MRTFA: variants seen among roughly 807,000 people sequenced by gnomAD.
The protein encoded by MRTFA is myocardin-related transcription factor A.
In MRTFA, 20 loss-of-function variants were observed where a neutral mutation model predicts 83.5. The observed-to-expected ratio is 0.24, with a 90% confidence interval of 0.17 to 0.35. MRTFA has a LOEUF of 0.35. Among genes scored for constraint, MRTFA ranks in the 10% least tolerant of loss-of-function variants. The pLI is 1.00. For synonymous variants in MRTFA, 659 were observed against 541.2 expected, an observed-to-expected ratio of 1.22 and a Z score of -3.02; for missense variants, 1,200 against 1,224.7, an observed-to-expected ratio of 0.98 and a Z score of 0.30.
intron 7 of MRTFA, among the ~76,000 whole-genome samples, chr22:40,425,695 A>G (rs975474008): frequency 6.6e-6 from 1 of 152,234 alleles, no homozygotes; most frequent in African/African-American, 2.4e-5. Flanking sequence ...ACACACGGCT[A>G]GATTTCCCCC....
intron 1 of MRTFA, among the ~76,000 whole-genome samples, chr22:40,627,733 T>C (rs1267273193): frequency 1.3e-5 from 2 of 152,178 alleles, no homozygotes; most frequent in Admixed American, 6.5e-5. Context: ...CTCATGCCTG[T>C]CATCTCAACA....
At chr22:40,552,754 C>T (rs955044564) in intron 2 of MRTFA, among the ~76,000 whole-genome samples, 3 of 152,116 alleles carry the variant, frequency 2.0e-5, no homozygotes, top group Non-Finnish European at 4.4e-5. Context: ...TTTATAGCAA[C>T]GTGAGAACAG....
chr22:40,581,807 A>C (rs2055951199), intron 2 of MRTFA, among the ~76,000 whole-genome samples: 2 of 152,194 alleles, frequency 1.3e-5, no homozygotes, highest in African/African-American at 4.8e-5. Flanking sequence ...GAGTATCTTT[A>C]ATCAAGGCAT....
intron 3 of MRTFA, among the ~76,000 whole-genome samples, chr22:40,514,268 T>TTAAA (rs543495369): frequency 1.3e-5 from 2 of 151,402 alleles, no homozygotes; most frequent in South Asian, 2.1e-4. Flanking sequence ...AAATACATAA[T>TTAAA]TAAATAAATA....
chr22:40,539,356 T>A (rs1206918901), intron 3 of MRTFA, among the ~76,000 whole-genome samples: 3 of 150,966 alleles, frequency 2.0e-5, no homozygotes, highest in Non-Finnish European at 4.4e-5. Flanking sequence ...TTTTTTTTTT[T>A]TGAGACAGAA....
chr22:40,467,316 T>C (rs1383207036), intron 3 of MRTFA, among the ~76,000 whole-genome samples: 1 of 152,242 alleles, frequency 6.6e-6, no homozygotes, highest in Non-Finnish European at 1.5e-5. Flanking sequence ...AGTCAACCTA[T>C]AATTCATTTT....
intron 1 of MRTFA, among the ~76,000 whole-genome samples, chr22:40,615,852 T>C (rs1895640581): frequency 6.6e-6 from 1 of 151,996 alleles, no homozygotes; most frequent in Admixed American, 6.6e-5. Flanking sequence ...GCCCAGCTAA[T>C]TGTTGTATTT....
At chr22:40,508,633 T>C (rs1024725219) in intron 3 of MRTFA, among the ~76,000 whole-genome samples, 7 of 151,778 alleles carry the variant, frequency 4.6e-5, no homozygotes, top group African/African-American at 9.7e-5. Flanking sequence ...TGTCTCTCAA[T>C]TGGAAGTTTC....
At chr22:40,586,926 G>T in intron 2 of MRTFA, 1 of 383,688 alleles carries the variant, frequency 2.6e-6, no homozygotes, top group Admixed American at 2.9e-5. Flanking sequence ...TGGTGCTGGT[G>T]CTGCTGCTGC....
At chr22:40,592,495 T>TA (rs1331283330) in intron 2 of MRTFA, among the ~76,000 whole-genome samples, 2 of 149,984 alleles carry the variant, frequency 1.3e-5, no homozygotes, top group African/African-American at 4.9e-5. Flanking sequence ...TTTTTTTCTT[T>TA]TTTTTTTTTT....
rs547315516 is a variant in MRTFA, at chr22:40,512,363, A to C, written c.241+39743T>G. On this transcript the variant is annotated intron_variant, in intron 3 of 14. Coordinates refer to ENST00000355630, the MANE Select transcript of MRTFA (RefSeq NM_020831.6). Reference sequence around the variant, plus strand: ...CAATGCTGGTCTTCCAGCTTCTTCAATTTTGGTAATATAAAGAAGATCCTA... The same window carrying C: ...CAATGCTGGTCTTCCAGCTTCTTCACTTTTGGTAATATAAAGAAGATCCTA... 9.3e-4 allele frequency among the ~76,000 whole-genome samples: 142 copies of C among 152,324 alleles called. 6 individuals are homozygous for C. The South Asian group carries it at 0.028, about 30-fold the overall frequency.
At chr22:40,523,583 G>C (rs538504731) in intron 3 of MRTFA, 1 of 152,242 alleles carries the variant, frequency 6.6e-6, no homozygotes, top group African/African-American at 2.4e-5. Flanking sequence ...CAAGCAATCT[G>C]CCCACCCTGG....
chr22:40,424,921 A>G (rs2052922125), intron 7 of MRTFA, among the ~76,000 whole-genome samples: 1 of 152,168 alleles, frequency 6.6e-6, no homozygotes, highest in African/African-American at 2.4e-5. Context: ...GAGGCCAGGA[A>G]CAGACTAAGG....
At chr22:40,635,495 T>C (rs1313878946) in intron 1 of MRTFA, among the ~76,000 whole-genome samples, 1 of 152,198 alleles carries the variant, frequency 6.6e-6, no homozygotes, top group African/African-American at 2.4e-5. Flanking sequence ...TATATTTAAG[T>C]GATGTATTCC....
rs370735025 is a variant in MRTFA, at chr22:40,489,928, C to T, written c.242-26642G>A. 6.2e-5 allele frequency among the ~76,000 whole-genome samples: 9 copies of T among 144,164 alleles called. No homozygotes were observed. In the South Asian group the frequency reaches 1.5e-3, roughly 24 times the overall value. 94.6% of individuals were successfully genotyped at this position (144,164 alleles called of 152,430 possible). Reference sequence around the variant, plus strand: ...CAGAGGTTGCAGTGGGCAGAGATCGCGCCACTGCACTCCAGTCTGGGAGAC... The same window carrying T: ...CAGAGGTTGCAGTGGGCAGAGATCGTGCCACTGCACTCCAGTCTGGGAGAC... On this transcript the variant is annotated intron_variant, in intron 3 of 14. Coordinates refer to ENST00000355630, the MANE Select transcript of MRTFA (RefSeq NM_020831.6).
intron 2 of MRTFA, among the ~76,000 whole-genome samples, chr22:40,565,776 G>A (rs2055694586): frequency 6.6e-6 from 1 of 152,202 alleles, no homozygotes; most frequent in Admixed American, 6.5e-5. Context: ...GGGCCAGGTG[G>A]CTAATTTAGA....
intron 2 of MRTFA, among the ~76,000 whole-genome samples, chr22:40,592,266 C>CAAA (rs398037181): frequency 8.1e-5 from 7 of 86,242 alleles, no homozygotes; most frequent in African/African-American, 2.6e-4. Context: ...TCAGTCTCTA[C>CAAA]AAAAAAAAAA....
chr22:40,456,871 T>A (rs570156642), intron 4 of MRTFA, among the ~76,000 whole-genome samples: 4 of 152,204 alleles, frequency 2.6e-5, no homozygotes, highest in Non-Finnish European at 5.9e-5. Flanking sequence ...TTCTGTCTAC[T>A]GGTTACTAAA....
At chr22:40,503,258 T>A (rs1364893004) in intron 3 of MRTFA, among the ~76,000 whole-genome samples, 2 of 152,266 alleles carry the variant, frequency 1.3e-5, no homozygotes, top group Non-Finnish European at 2.9e-5. Flanking sequence ...TTACTCTTTT[T>A]AAGTGGTTCA....
Sources: allele counts gnomAD v4.1 joint callset (sites outside exome capture counted in the v4.1 genomes callset), GRCh38; gene constraint gnomAD v4.1.1; transcripts MANE v1.5; gene names NCBI Gene and HGNC (gene_info 2026-07-23, HGNC 2026-07-21).